GALNTL6: variants seen among roughly 807,000 people sequenced by gnomAD.
The protein encoded by GALNTL6 is polypeptide N-acetylgalactosaminyltransferase like 6, also known as polypeptide N-acetylgalactosaminyltransferase-like 6.
A neutral mutation model predicts 73.7 loss-of-function variants in GALNTL6; 46 were observed. The observed-to-expected ratio is 0.62, with a 90% CI of 0.49 to 0.80. The LOEUF (loss-of-function observed/expected upper bound fraction) is 0.80. GALNTL6 is among the 30% of genes least tolerant of loss of function. GALNTL6 has a pLI of 0.00. For missense variants in GALNTL6, 604 were observed against 755.0 expected, an observed-to-expected ratio of 0.80 and a Z score of 2.34; for synonymous variants, 259 against 263.7, an observed-to-expected ratio of 0.98 and a Z score of 0.17.
chr4:171,987,902 G>A (rs1740155082), intron 2 of GALNTL6, among the ~76,000 whole-genome samples: 1 of 152,180 alleles, frequency 6.6e-6, no homozygotes, highest in Admixed American at 6.5e-5. Context: ...CAGGAATAAT[G>A]TGGAAGTCGG....
At chr4:172,898,069 T>A (rs990219920) in intron 8 of GALNTL6, among the ~76,000 whole-genome samples, 1 of 152,144 alleles carries the variant, frequency 6.6e-6, no homozygotes, top group Non-Finnish European at 1.5e-5. Context: ...GAAATCAAGT[T>A]ATTGCAGCTT....
intron 5 of GALNTL6, among the ~76,000 whole-genome samples, chr4:172,760,025 A>T (rs1468115689): frequency 6.7e-6 from 1 of 149,708 alleles, no homozygotes; most frequent in African/African-American, 2.5e-5. Context: ...TTTAGTAGAG[A>T]CGGGGTTTCA....
chr4:172,185,637 GT>G (rs1735393939), intron 2 of GALNTL6, among the ~76,000 whole-genome samples: 1 of 152,142 alleles, frequency 6.6e-6, no homozygotes, highest in South Asian at 2.1e-4. Flanking sequence ...GAGATGATCA[GT>G]TTTTGTGCCT....
At chr4:172,539,390 T>A (rs964791856) in intron 5 of GALNTL6, among the ~76,000 whole-genome samples, 2 of 152,336 alleles carry the variant, frequency 1.3e-5, no homozygotes, top group Non-Finnish European at 2.9e-5. Flanking sequence ...TGAATGAATT[T>A]TTTATGTTTC....
intron 8 of GALNTL6, among the ~76,000 whole-genome samples, chr4:172,907,032 C>A (rs539788833): frequency 6.6e-6 from 1 of 152,152 alleles, no homozygotes; most frequent in Admixed American, 6.5e-5. Context: ...GATACAAGGG[C>A]ATGTATAGTC....
chr4:172,680,667 G>A (rs529063497), intron 5 of GALNTL6, among the ~76,000 whole-genome samples: 5 of 152,116 alleles, frequency 3.3e-5, no homozygotes, highest in African/African-American at 9.7e-5. Flanking sequence ...TAAAAAAGCC[G>A]TCTTCTTTTC....
chr4:172,740,455 T>G (rs1736731066), intron 5 of GALNTL6, among the ~76,000 whole-genome samples: 1 of 152,154 alleles, frequency 6.6e-6, no homozygotes. Flanking sequence ...GAATAATGAA[T>G]TTACCTAATT....
chr4:171,847,504 TC>T (rs1057373792), intron 2 of GALNTL6, among the ~76,000 whole-genome samples: 45 of 152,278 alleles, frequency 3.0e-4, no homozygotes, highest in Admixed American at 2.8e-3. Flanking sequence ...GATGGACTTG[TC>T]CTTTCACACA....
intron 2 of GALNTL6, among the ~76,000 whole-genome samples, chr4:171,970,299 T>C (rs2111063128): frequency 6.6e-6 from 1 of 152,332 alleles, no homozygotes; most frequent in African/African-American, 2.4e-5. Context: ...GTTGATCTTC[T>C]CCATCAGGAT....
rs115752218 is a variant in GALNTL6 at position 171,913,186 on chromosome 4, T to A, written c.138+98468T>A. The stretch of plus-strand genomic sequence containing the variant: ...GTAAAGTAGCTGTTGGGGAACCAGA[T>A]GCATTTTCTTAGATGGAACTGGAAC... On this transcript the variant is annotated intron_variant, in intron 2 of 12. Transcript: ENST00000506823. 6.4e-3 allele frequency among the ~76,000 whole-genome samples: 976 copies of A among 152,272 alleles called. 10 individuals are homozygous for A. Among genetic ancestry groups the A allele is most frequent in the African/African-American group, 0.018 (753 of 41,556 alleles).
chr4:172,488,107 G>A (rs868730094), intron 5 of GALNTL6, among the ~76,000 whole-genome samples: 21 of 152,280 alleles, frequency 1.4e-4, no homozygotes, highest in South Asian at 6.2e-4. Context: ...GACTAAACCC[G>A]TGGAGGTGTC....
intron 5 of GALNTL6, among the ~76,000 whole-genome samples, chr4:172,369,364 T>C (rs1055523115): frequency 2.6e-5 from 4 of 152,246 alleles, no homozygotes; most frequent in Admixed American, 2.0e-4. Flanking sequence ...ATCCTTTAGC[T>C]AGACATAAAA....
chr4:171,887,601 T>C (rs1265687093), intron 2 of GALNTL6, among the ~76,000 whole-genome samples: 1 of 152,122 alleles, frequency 6.6e-6, no homozygotes, highest in Non-Finnish European at 1.5e-5. Context: ...ATGAGATAAA[T>C]GAATGATGGA....
In GALNTL6 at chr4:172,234,998, T is replaced by G. The variant is rs147008330; in HGVS notation, c.247+5234T>G. 1.1e-4 allele frequency among the ~76,000 whole-genome samples: 17 copies of G among 152,312 alleles called. No individual in the cohort carries two copies. In the East Asian group the frequency reaches 1.4e-3, roughly 12 times the overall value. ...AGTTACAGTAGTAGTTGATTATCTA[T>G]TTCTTCTGGAATTAATGGTATTCTT... On this transcript the variant is annotated intron_variant, in intron 3 of 12. Transcript: ENST00000506823.
rs547781688 is a variant in GALNTL6 at position 171,814,364 on chromosome 4, T to A, written c.-169-48T>A. ...TATTTCTAAGCCAATAGATAATGCCTTCGTCATAGTTTTCTGGGGGGAAAG... is the reference window on the plus strand; with the variant it reads ...TATTTCTAAGCCAATAGATAATGCCATCGTCATAGTTTTCTGGGGGGAAAG... On this transcript the variant is annotated intron_variant, in intron 1 of 12. Transcript: ENST00000506823. 5 of 596,634 alleles carry A rather than the reference T, an allele frequency of 8.4e-6. No homozygotes were observed. The South Asian group carries it at 1.1e-4, about 13-fold the overall frequency. The allele number at this position is 596,634 out of a possible 1,614,324, so 37.0% of individuals were successfully genotyped here.
intron 2 of GALNTL6, among the ~76,000 whole-genome samples, chr4:171,890,376 T>C (rs79953385): frequency 0.014 from 2,068 of 152,258 alleles, 42 homozygotes; most frequent in African/African-American, 0.047. Context: ...ATATTTGTGA[T>C]AGTCAACTTT....
intron 12 of GALNTL6, among the ~76,000 whole-genome samples, chr4:173,033,149 C>T (rs946109277): frequency 2.6e-5 from 4 of 151,860 alleles, no homozygotes; most frequent in African/African-American, 7.3e-5. Flanking sequence ...TACAGGCATG[C>T]GCCACCATGC....
intron 5 of GALNTL6, among the ~76,000 whole-genome samples, chr4:172,631,020 A>G (rs919547592): frequency 1.3e-5 from 2 of 152,024 alleles, no homozygotes; most frequent in African/African-American, 2.4e-5. Flanking sequence ...GTAATTGACA[A>G]TTGCATAGAG....
At chr4:172,039,292 T>C (rs1742021697) in intron 2 of GALNTL6, among the ~76,000 whole-genome samples, 1 of 152,212 alleles carries the variant, frequency 6.6e-6, no homozygotes. Context: ...ATATTTTACA[T>C]TTTCAGACTT....
Sources: gnomAD v4.1 joint callset for allele counts (sites outside exome capture counted in the v4.1 genomes callset) on GRCh38, gnomAD v4.1.1 for gene constraint, MANE v1.5 for transcripts, NCBI Gene and HGNC (gene_info 2026-07-23, HGNC 2026-07-21) for gene names.